Variants in FREM1 observed in about 807,000 individuals in gnomAD.
FREM1 encodes FRAS1 related extracellular matrix 1.
A neutral mutation model predicts 210.1 loss-of-function variants in FREM1; 220 were observed. The observed-to-expected ratio is 1.05, with a 90% CI of 0.94 to 1.17. The LOEUF (loss-of-function observed/expected upper bound fraction) is 1.17, where lower values mean the gene tolerates loss of function less well. FREM1 is among the 50% of genes most tolerant of loss of function. The pLI is 0.00. For missense variants in FREM1, 3,454 were observed against 2,675.5 expected, an observed-to-expected ratio of 1.29 and a Z score of -6.42; for synonymous variants, 1,189 against 980.2, an observed-to-expected ratio of 1.21 and a Z score of -3.98.
At chr9:14,759,535 T>TAATAATAATAATAATAATAATAATAA in intron 28 of FREM1, among the ~76,000 whole-genome samples, 2 of 3,754 alleles carry the variant, frequency 5.3e-4, no homozygotes, top group Admixed American at 5.4e-3. Context: ...AATAATAATA[T>TAATAATAATAATAATAATAATAATAA]CTCTTGTGCT....
intron 1 of FREM1, among the ~76,000 whole-genome samples, chr9:14,900,946 T>C (rs1838681286): frequency 6.6e-6 from 1 of 152,206 alleles, no homozygotes; most frequent in African/African-American, 2.4e-5. Context: ...ATTAGCAAAA[T>C]TGTCAGAAAG....
intron 23 of FREM1, among the ~76,000 whole-genome samples, chr9:14,787,970 C>G (rs1482165612): frequency 6.6e-6 from 1 of 152,242 alleles, no homozygotes; most frequent in East Asian, 1.9e-4. Context: ...GTAAACATCT[C>G]AAGATCAAAC....
At position 14,737,514 on chromosome 9, in the gene FREM1, G is replaced by A; in HGVS notation, c.6422C>T (p.Pro2141Leu). The change falls in exon 37 of 37, where the codon CCC becomes CTC. Residue 2141 changes from proline to leucine, a missense_variant. By Grantham distance (98) the Pro-to-Leu change is moderately conservative. Coordinates refer to ENST00000380880, the MANE Select transcript of FREM1 (RefSeq NM_001379081.2). ...CTTTCCAAGCTTGGAGCGTTGAGAG[G>A]GCCCTCTTCTCCCATTGGTGAAGGC... ...PVAFTNGRRG[P>L]SQRSKLGKSC... 1 of 1,612,690 alleles carries A rather than the reference G, an allele frequency of 6.2e-7. No homozygotes were observed. Among genetic ancestry groups the A allele is most frequent in the Non-Finnish European group, 8.5e-7 (1 of 1,179,266 alleles).
chr9:14,789,181 C>T, intron 22 of FREM1, 67 bp from the exon 23 acceptor site: 1 of 1,034,930 alleles, frequency 9.7e-7, no homozygotes, highest in Non-Finnish European at 1.4e-6. Context: ...CGTTAGTGGA[C>T]ATTTTCTGTA....
chr9:14,838,919 C>T (rs1825131567), intron 10 of FREM1, among the ~76,000 whole-genome samples: 2 of 152,126 alleles, frequency 1.3e-5, no homozygotes, highest in South Asian at 4.1e-4. Flanking sequence ...TCAGAGGATT[C>T]TTGGAACAGC....
At chr9:14,763,662 G>C (rs1045904875) in intron 27 of FREM1, among the ~76,000 whole-genome samples, 3 of 152,168 alleles carry the variant, frequency 2.0e-5, no homozygotes, top group Non-Finnish European at 4.4e-5. Context: ...GTCAGGTAAA[G>C]GAAATGTTGT....
chr9:14,769,924 G>C (rs1358588150), intron 26 of FREM1, 56 bp from the exon 27 acceptor site: 1 of 897,718 alleles, frequency 1.1e-6, no homozygotes, highest in East Asian at 2.7e-5. Context: ...TTAAATAAAA[G>C]CTAATAAAAT....
At chr9:14,766,061 G>A (rs573264824) in intron 27 of FREM1, among the ~76,000 whole-genome samples, 7 of 152,176 alleles carry the variant, frequency 4.6e-5, no homozygotes, top group South Asian at 2.1e-4. Flanking sequence ...GTGCAGCCAG[G>A]GGGTGAGGCA....
At chr9:14,875,445 C>G (rs1386474742) in intron 1 of FREM1, among the ~76,000 whole-genome samples, 1 of 152,132 alleles carries the variant, frequency 6.6e-6, no homozygotes, top group East Asian at 1.9e-4. Flanking sequence ...TCACTGATAC[C>G]CTTTCTTCCA....
chr9:14,839,431 C>T (rs1825233307), intron 10 of FREM1, among the ~76,000 whole-genome samples: 1 of 152,182 alleles, frequency 6.6e-6, no homozygotes, highest in African/African-American at 2.4e-5. Flanking sequence ...GCTGGATAAA[C>T]ATTTAGGGGC....
intron 1 of FREM1, among the ~76,000 whole-genome samples, chr9:14,881,983 T>C (rs764095482): frequency 2.0e-5 from 3 of 152,172 alleles, no homozygotes; most frequent in Admixed American, 6.5e-5. Context: ...TTGGTGGAGC[T>C]GTGAGCTAGA....
chr9:14,746,494 A>T (rs754219191), intron 34 of FREM1, 26 bp from the exon 35 acceptor site: 23 of 1,553,562 alleles, frequency 1.5e-5, no homozygotes, highest in Non-Finnish European at 2.0e-5. Context: ...CTGTGTTCAT[A>T]TCATAATGGT....
Position 14,776,128 on chromosome 9 carries a change from C to T in FREM1, c.4518G>A (p.Leu1506=). Residue 1506 remains leucine, a synonymous_variant, in exon 25 of 37, where the codon CTG becomes CTA. Coordinates refer to ENST00000380880, the MANE Select transcript of FREM1 (RefSeq NM_001379081.2). ...EITLETVDRA[L]PVVTRNKGLR... ...ACCCCTTGTTCCTGGTTACCACAGG[C>T]AGGGCTCTGTCCACAGTCTCCAGTG... 2 of 1,590,138 alleles carry T rather than the reference C, an allele frequency of 1.3e-6. No individual in the cohort carries two copies. The highest frequency in any genetic ancestry group is 1.3e-5 in the African/African-American group (1 of 74,664).
chr9:14,741,371 G>A (rs1046588417), intron 35 of FREM1, among the ~76,000 whole-genome samples: 3 of 152,120 alleles, frequency 2.0e-5, no homozygotes, highest in South Asian at 2.1e-4. Context: ...ACTAATAACA[G>A]TATTTTGCTG....
rs546795747 is a variant in FREM1, at chr9:14,823,851, G to A, written c.2169+174C>T. On this transcript the variant is annotated intron_variant, in intron 12 of 36. Coordinates refer to ENST00000380880, the MANE Select transcript of FREM1 (RefSeq NM_001379081.2). ...GTGAAACCATATTCAACTTGATCAA[G>A]TACTTTGAAATAGATGCCACACACT... 2.0e-5 allele frequency among the ~76,000 whole-genome samples: 3 copies of A among 152,282 alleles called. No homozygotes were observed. The South Asian group carries it at 6.2e-4, about 32-fold the overall frequency.
chr9:14,851,382 T>G lies in FREM1; in HGVS notation c.1054A>C (p.Thr352Pro). The change falls in exon 6 of 37, where the codon ACC (threonine) becomes CCC (proline). Residue 352 changes from threonine to proline, a missense_variant. Physicochemically the swap from Thr to Pro is conservative, Grantham distance 38. Transcript: ENST00000380880. ...CAGGTGAATGAGGAGATTGGTCTGGTGTGATCCAACAGGTGAGTCACATAG... is the reference window on the plus strand; with the variant it reads ...CAGGTGAATGAGGAGATTGGTCTGGGGTGATCCAACAGGTGAGTCACATAG... ...QGYVTHLLDH[T>P]RPISSFTWKD... 1 of 1,613,944 alleles carries G rather than the reference T, an allele frequency of 6.2e-7. No homozygotes were observed. The highest frequency in any genetic ancestry group is 2.2e-5 in the East Asian group (1 of 44,870).
In FREM1 at chr9:14,746,484, C is replaced by A. The variant is rs1842452174; in HGVS notation, c.6139-16G>T. 6.3e-7 allele frequency: 1 copy of A among 1,585,838 alleles called. No individual in the cohort carries two copies. Among genetic ancestry groups the A allele is most frequent in the Non-Finnish European group, 8.7e-7 (1 of 1,154,582 alleles). On this transcript the variant is annotated splice_polypyrimidine_tract_variant and intron_variant, in intron 34 of 36. Transcript: ENST00000380880. ...CTTCCACATCCTGAAAAACAGTTGT[C>A]TGTGTTCATATCATAATGGTCTTTA...
intron 15 of FREM1, among the ~76,000 whole-genome samples, chr9:14,813,426 T>A (rs1819751903): frequency 1.3e-5 from 2 of 152,214 alleles, no homozygotes; most frequent in Non-Finnish European, 2.9e-5. Context: ...AGAATTCTGG[T>A]CCTTGTGGTC....
chr9:14,865,515 T>C (rs532015282), intron 2 of FREM1, among the ~76,000 whole-genome samples: 60 of 152,328 alleles, frequency 3.9e-4, no homozygotes, highest in African/African-American at 1.4e-3. Flanking sequence ...TGAACAGATG[T>C]TAAACAAAAC....
Sources: gnomAD v4.1 joint callset for allele counts (sites outside exome capture counted in the v4.1 genomes callset) on GRCh38, gnomAD v4.1.1 for gene constraint, MANE v1.5 for transcripts, NCBI Gene and HGNC (gene_info 2026-07-23, HGNC 2026-07-21) for gene names.